Variants in DLG5 observed in about 807,000 individuals in gnomAD.
DLG5 encodes disks large homolog 5.
Under a neutral mutation model 189.8 loss-of-function variants are expected in DLG5, and 48 were observed. The ratio of observed to expected loss-of-function variants is 0.25; its 90% confidence interval spans 0.20 to 0.32. DLG5 has a LOEUF of 0.32. Ranked by LOEUF, DLG5 falls within the 10% of genes least tolerant of loss-of-function variation. The probability of loss-of-function intolerance (pLI) is 1.00; values close to 1 mark genes in which losing one functional copy is unlikely to be tolerated. For synonymous variants in DLG5, 1,016 were observed against 1,054.1 expected (o/e 0.96, Z 0.70); for missense variants, 2,160 against 2,544.7 (o/e 0.85, Z 3.25).
chr10:77,848,545 T>G (rs1843803045), intron 5 of DLG5, among the ~76,000 whole-genome samples: 1 of 151,986 alleles, frequency 6.6e-6, no homozygotes, highest in African/African-American at 2.4e-5. Flanking sequence ...CACAAAGACA[T>G]GTGTGTCCAC....
chr10:77,843,325 C>A, intron 6 of DLG5, 122 bp downstream of exon 6: 1 of 1,283,200 alleles, frequency 7.8e-7, no homozygotes, highest in East Asian at 2.3e-5. Context: ...AAAAATGTTT[C>A]CTGGTCAGAA....
chr10:77,925,738 G>A (rs1846666328), intron 1 of DLG5, among the ~76,000 whole-genome samples: 1 of 152,200 alleles, frequency 6.6e-6, no homozygotes, highest in African/African-American at 2.4e-5. Context: ...AAAAGGAGCT[G>A]GGACAGCCAG....
At chr10:77,922,199 C>T (rs1846554967) in intron 1 of DLG5, among the ~76,000 whole-genome samples, 2 of 152,162 alleles carry the variant, frequency 1.3e-5, no homozygotes, top group South Asian at 2.1e-4. Flanking sequence ...TCAATGCTCC[C>T]GGTGACAGAG....
chr10:77,894,396 A>T (rs1255517346), intron 1 of DLG5, among the ~76,000 whole-genome samples: 3 of 152,154 alleles, frequency 2.0e-5, no homozygotes, highest in Admixed American at 2.0e-4. Context: ...AACACCTAGC[A>T]CACTTGCCAG....
intron 1 of DLG5, among the ~76,000 whole-genome samples, chr10:77,874,929 T>C (rs1185349644): frequency 6.6e-6 from 1 of 152,210 alleles, no homozygotes; most frequent in Non-Finnish European, 1.5e-5. Flanking sequence ...TGCTGCACTG[T>C]ATATGGCACT....
chr10:77,906,785 C>T (rs1432637429), intron 1 of DLG5, among the ~76,000 whole-genome samples: 1 of 151,892 alleles, frequency 6.6e-6, no homozygotes. Context: ...CCACCATGCC[C>T]AGCTAATTTT....
intron 2 of DLG5, chr10:77,868,485 G>A (rs188393403): frequency 9.0e-4 from 256 of 285,068 alleles, no homozygotes; most frequent in African/African-American, 4.9e-3. Context: ...CTCTGCAGAG[G>A]GAAAAGAAAA....
chr10:77,807,692 C>A (rs753884845), intron 25 of DLG5, 104 bp downstream of exon 25: 31 of 1,361,426 alleles, frequency 2.3e-5, no homozygotes, highest in Middle Eastern at 1.9e-4. Context: ...ATGGCCCCAG[C>A]CTTGGGGGGC....
intron 6 of DLG5, 29 bp downstream of exon 6, chr10:77,843,418 C>T (rs1843523988): frequency 1.2e-6 from 2 of 1,606,626 alleles, no homozygotes; most frequent in South Asian, 1.1e-5. Context: ...GACCCATTTG[C>T]CCCCGGCCCC....
chr10:77,868,407 G>A (rs1844773530), intron 2 of DLG5: 2 of 340,008 alleles, frequency 5.9e-6, no homozygotes, highest in African/African-American at 2.2e-5. Flanking sequence ...ATATGAAAGA[G>A]CTGTCCTGAC....
intron 1 of DLG5, among the ~76,000 whole-genome samples, chr10:77,921,876 C>T (rs1846545400): frequency 6.6e-6 from 1 of 152,144 alleles, no homozygotes; most frequent in African/African-American, 2.4e-5. Context: ...AATGAGCACG[C>T]GAGAGGTCCA....
intron 2 of DLG5, chr10:77,866,842 G>A: frequency 2.5e-6 from 1 of 394,996 alleles, no homozygotes; most frequent in Non-Finnish European, 5.1e-6. Flanking sequence ...ATGAGTGGGT[G>A]TTCCCTGCTG....
intron 5 of DLG5, 62 bp from the exon 6 acceptor site, chr10:77,843,768 C>T: frequency 6.2e-7 from 1 of 1,602,962 alleles, no homozygotes; most frequent in African/African-American, 1.3e-5. Context: ...AGACCTCCCA[C>T]TCTCACTTTT....
At chr10:77,857,637 A>G (rs568976743) in intron 2 of DLG5, among the ~76,000 whole-genome samples, 1 of 152,354 alleles carries the variant, frequency 6.6e-6, no homozygotes, top group South Asian at 2.1e-4. Context: ...TTATGCTCCT[A>G]GCAGGCAACA....
rs1840949042 is a variant in DLG5, at chr10:77,796,834, G to C, written c.5165-240C>G. Among the ~76,000 whole-genome samples the C allele has an allele frequency of 6.6e-6, 1 of 152,174 alleles. No homozygotes were observed. Among genetic ancestry groups the C allele is most frequent in the Admixed American group, 6.5e-5 (1 of 15,280 alleles). On this transcript the variant is annotated intron_variant, in intron 27 of 31. Transcript: ENST00000372391. This position sits in a 1 kb window ranked among gnomAD's most constrained non-coding sequence, Gnocchi z 5.2. ...CAGCTGGTCTCAACCACTCATCCCA[G>C]AGCTTCCTTCTGCTCTGATTTTTCC...
Position 77,809,583 on chromosome 10 carries a change from A to G in DLG5, c.4611T>C (p.Gly1537=). ...AEVEDDSPAK[G]PDGLVPGDLI... Reference sequence around the variant, plus strand: ...GGTCCCCTGGCACGAGGCCGTCAGGACCCTTGGCAGGACTGTCATCCTCCA... The same window carrying G: ...GGTCCCCTGGCACGAGGCCGTCAGGGCCCTTGGCAGGACTGTCATCCTCCA... The change falls in exon 24 of 32, where the codon GGT becomes GGC. Residue 1537 remains glycine (G), a synonymous_variant. Coordinates refer to ENST00000372391, the MANE Select transcript of DLG5 (RefSeq NM_004747.4). The G allele has an allele frequency of 6.2e-7, 1 of 1,614,008 alleles. No individual in the cohort carries two copies.
intron 31 of DLG5, chr10:77,793,272 CCACACACACACA>C (rs59847887): frequency 6.6e-6 from 1 of 150,492 alleles, no homozygotes; most frequent in Admixed American, 6.7e-5. Context: ...ACACACACAC[CCACACACACACA>C]CACACAGAGG....
At position 77,843,712 on chromosome 10, in the gene DLG5, G is replaced by T. The variant is rs1843543900; in HGVS notation, c.865-6C>A. On this transcript the variant is annotated splice_region_variant and splice_polypyrimidine_tract_variant and intron_variant, in intron 5 of 31. Coordinates refer to ENST00000372391, the MANE Select transcript of DLG5 (RefSeq NM_004747.4). Reference sequence around the variant, plus strand: ...GACCCGTTGTGCTTCAACACCTGGAGACCAGACAGTTTCACTTACCAAGGG... The same window carrying T: ...GACCCGTTGTGCTTCAACACCTGGATACCAGACAGTTTCACTTACCAAGGG... The T allele has an allele frequency of 1.2e-6, 2 of 1,613,892 alleles. No individual in the cohort carries two copies. Among genetic ancestry groups the T allele is most frequent in the Non-Finnish European group, 1.7e-6 (2 of 1,179,978 alleles).
intron 1 of DLG5, among the ~76,000 whole-genome samples, chr10:77,869,989 C>A (rs930452425): frequency 6.6e-6 from 1 of 152,142 alleles, no homozygotes; most frequent in Admixed American, 6.5e-5. Flanking sequence ...AACCAGATGG[C>A]TTATAAGGTC....
Sources: allele counts gnomAD v4.1 joint callset (sites outside exome capture counted in the v4.1 genomes callset), GRCh38; gene constraint gnomAD v4.1.1; non-coding constraint Gnocchi (gnomAD v3.1); transcripts MANE v1.5; gene names NCBI Gene and HGNC (gene_info 2026-07-23, HGNC 2026-07-21).